Variants in PTP4A2 observed in about 807,000 individuals in gnomAD.
The protein encoded by PTP4A2 is protein tyrosine phosphatase 4A2.
PTP4A2 carries 2 observed loss-of-function variants against 22.9 expected under a neutral mutation model. The observed-to-expected ratio is 0.09, with a 90% confidence interval of 0.04 to 0.27. The LOEUF (loss-of-function observed/expected upper bound fraction) is 0.27. Among genes scored for constraint, PTP4A2 ranks in the 10% least tolerant of loss-of-function variants. PTP4A2 has a pLI of 1.00. For synonymous variants in PTP4A2, 68 were observed against 69.1 expected (o/e 0.98, Z 0.08); for missense variants, 103 against 205.1 (o/e 0.50, Z 3.04).
At chr1:31,937,101 T>C (rs550399237) in intron 1 of PTP4A2, among the ~76,000 whole-genome samples, 1 of 152,282 alleles carries the variant, frequency 6.6e-6, no homozygotes, top group South Asian at 2.1e-4. Flanking sequence ...GGCCAGAGTG[T>C]AGGATTTTGG....
chr1:31,938,270 C>A lies in PTP4A2; in HGVS notation c.-877G>T. 6.7e-6 allele frequency: 1 copy of A among 150,146 alleles called. No homozygotes were observed. The highest frequency in any genetic ancestry group is 1.8e-4 in the South Asian group (1 of 5,666). The allele number at this position is 150,146 out of a possible 1,614,324, so 9.3% of individuals were successfully genotyped here. A position where few individuals can be genotyped will look rare whatever the true frequency, so the allele number is the denominator to read the frequency against. ...GCTGCCCTGTGGCGTCACCTCGCGC[C>A]GTGCCCGGCCGCCGCTGCCGCTCCA... is the stretch of plus-strand genomic sequence containing the variant. On this transcript the variant is annotated 5_prime_UTR_variant, in exon 1 of 6. Coordinates refer to ENST00000647444, the MANE Select transcript of PTP4A2 (RefSeq NM_080391.4). The surrounding 1 kb of genome is among the most constrained non-coding windows in gnomAD (Gnocchi z 4.4).
At chr1:31,928,477 A>G (rs530920266) in intron 1 of PTP4A2, among the ~76,000 whole-genome samples, 1 of 151,778 alleles carries the variant, frequency 6.6e-6, no homozygotes, top group South Asian at 2.1e-4. Context: ...AGATGGGCGG[A>G]TCACCTGAGG....
intron 3 of PTP4A2, chr1:31,913,689 C>T (rs1266585001): frequency 5.2e-6 from 2 of 382,216 alleles, no homozygotes; most frequent in East Asian, 7.5e-5. Flanking sequence ...AAACAAAAAC[C>T]TAAATTTAAA....
Position 31,906,645 on chromosome 1 carries a change from T to G in PTP4A2, c.*2207A>C, listed in dbSNP as rs948803408. The stretch of plus-strand genomic sequence containing the variant: ...AAATAAAAGGAGGGCTAATGTTTCA[T>G]GTTGCTTTATACATCCTTCTCCTCA... On this transcript the variant is annotated 3_prime_UTR_variant, in exon 6 of 6. Coordinates refer to ENST00000647444, the MANE Select transcript of PTP4A2 (RefSeq NM_080391.4). 1 of 152,096 alleles carries G rather than the reference T, an allele frequency of 6.6e-6. No homozygotes were observed. Among genetic ancestry groups the G allele is most frequent in the Non-Finnish European group, 1.5e-5 (1 of 68,018 alleles). The allele number at this position is 152,096 out of a possible 1,614,324, so 9.4% of individuals were successfully genotyped here. A position where few individuals can be genotyped will look rare whatever the true frequency, so the allele number is the denominator to read the frequency against.
Position 31,906,812 on chromosome 1 carries a change from C to CA in PTP4A2, c.*2039dup, listed in dbSNP as rs1651197832. The CA allele has an allele frequency of 6.6e-6, 1 of 151,214 alleles. No homozygotes were observed. Among genetic ancestry groups the CA allele is most frequent in the African/African-American group, 2.4e-5 (1 of 41,034 alleles). 9.4% of individuals were successfully genotyped at this position (151,214 alleles called of 1,614,324 possible). On this transcript the variant is annotated 3_prime_UTR_variant, in exon 6 of 6. Transcript: ENST00000647444. ...CCCCCTCCCCCCAAACAACAAAATT[C>CA]AGAGTATGTCAAAGGAAAAAGGTTT...
At position 31,915,999 on chromosome 1, in the gene PTP4A2, A is replaced by G. The variant is rs767009727; in HGVS notation, c.97-12T>C. 9.7e-6 allele frequency: 15 copies of G among 1,540,156 alleles called. No homozygotes were observed. The highest frequency in any genetic ancestry group is 1.3e-5 in the Non-Finnish European group (15 of 1,139,062). On this transcript the variant is annotated splice_polypyrimidine_tract_variant and intron_variant, in intron 2 of 5. Coordinates refer to ENST00000647444, the MANE Select transcript of PTP4A2 (RefSeq NM_080391.4). ...TACTTCTTAAGTTCCTTTAAAAAAAAAAAAAATTATAATGGAACTTGTTTT... is the reference window on the plus strand; with the variant it reads ...TACTTCTTAAGTTCCTTTAAAAAAAGAAAAAATTATAATGGAACTTGTTTT...
At chr1:31,931,233 G>A (rs1032999041) in intron 1 of PTP4A2, 1 of 152,220 alleles carries the variant, frequency 6.6e-6, no homozygotes, top group Non-Finnish European at 1.5e-5. Context: ...GTAAGCGTGA[G>A]AAGAATGGAG....
At chr1:31,937,549 C>T (rs915507921) in intron 1 of PTP4A2, among the ~76,000 whole-genome samples, 3 of 151,538 alleles carry the variant, frequency 2.0e-5, no homozygotes, top group African/African-American at 4.9e-5. Context: ...TCCCCCCACA[C>T]TCACCCGCTC....
chr1:31,928,157 AATATT>A (rs546191747), intron 1 of PTP4A2, among the ~76,000 whole-genome samples: 31 of 147,888 alleles, frequency 2.1e-4, no homozygotes, highest in East Asian at 3.9e-4. Context: ...GATTTAAATT[AATATT>A]ATATTATATA....
intron 1 of PTP4A2, among the ~76,000 whole-genome samples, chr1:31,926,210 A>G: frequency 6.6e-6 from 1 of 150,572 alleles, no homozygotes; most frequent in East Asian, 1.9e-4. Flanking sequence ...GATTTCTAAG[A>G]AATCATCCCT....
rs191079332 is a variant in PTP4A2 at position 31,916,891 on chromosome 1, C to A, written c.97-904G>T. Among the ~76,000 whole-genome samples, 334 of 152,072 alleles carry A rather than the reference C, an allele frequency of 2.2e-3. 1 individual carries two copies. In the South Asian group the frequency reaches 0.024, roughly 11 times the overall value. On this transcript the variant is annotated intron_variant, in intron 2 of 5. Transcript: ENST00000647444. Reference sequence around the variant, plus strand: ...ATTAACAATTAAATGTTGTTAAATTCTTTTTGCTTATCTGTATCTTTATAT... The same window carrying A: ...ATTAACAATTAAATGTTGTTAAATTATTTTTGCTTATCTGTATCTTTATAT...
intron 2 of PTP4A2, among the ~76,000 whole-genome samples, chr1:31,916,345 C>CAAAAAAAAAAAAAAAAAAAAAAAAAAAA (rs1167002913): frequency 2.8e-5 from 1 of 35,446 alleles, no homozygotes. Flanking sequence ...ACTCCGTCTC[C>CAAAAAAAAAAAAAAAAAAAAAAAAAAAA]AAAAAAAAAA....
At chr1:31,916,386 A>ACAT (rs757864722) in intron 2 of PTP4A2, among the ~76,000 whole-genome samples, 3,603 of 142,054 alleles carry the variant, frequency 0.025, 160 homozygotes, top group Middle Eastern at 0.071. Flanking sequence ...ATCTACTATT[A>ACAT]TAAATTAAAA....
At position 31,912,672 on chromosome 1, in the gene PTP4A2, C is replaced by T. The variant is rs572315942; in HGVS notation, c.190-846G>A. Among the ~76,000 whole-genome samples the T allele has an allele frequency of 2.6e-5, 4 of 152,268 alleles. No individual in the cohort carries two copies. In the East Asian group the frequency reaches 7.7e-4, roughly 29 times the overall value. On this transcript the variant is annotated intron_variant, in intron 3 of 5. Coordinates refer to ENST00000647444, the MANE Select transcript of PTP4A2 (RefSeq NM_080391.4). ...GACTGGGGGCTGACATTTTACAAGC[C>T]TTCCCTCCTGCCATCTAAGCTTCAA...
chr1:31,922,618 CTTTCTTTCTTTCTTTCTTT>C (rs1475332538), intron 1 of PTP4A2, among the ~76,000 whole-genome samples: 1 of 135,562 alleles, frequency 7.4e-6, no homozygotes, highest in South Asian at 2.3e-4. Context: ...TTCTTTCTTT[CTTTCTTTCTTTCTTTCTTT>C]TATTTATTTT....
intron 1 of PTP4A2, among the ~76,000 whole-genome samples, chr1:31,925,726 C>A (rs1652422145): frequency 6.6e-6 from 1 of 151,560 alleles, no homozygotes; most frequent in African/African-American, 2.4e-5. Flanking sequence ...CACCACTGCA[C>A]CCCAGCCTGG....
At chr1:31,930,577 A>G (rs2124261184) in intron 1 of PTP4A2, among the ~76,000 whole-genome samples, 1 of 152,340 alleles carries the variant, frequency 6.6e-6, no homozygotes, top group Middle Eastern at 3.4e-3. Context: ...TCTGCTGTTC[A>G]GGCACTCTGA....
At position 31,919,614 on chromosome 1, in the gene PTP4A2, A is replaced by T. The variant is rs1236674509; in HGVS notation, c.-549T>A. On this transcript the variant is annotated 5_prime_UTR_variant, in exon 2 of 6. Transcript: ENST00000647444. ...GAGCCTGGCAGAAGTCTGCCCTCAC[A>T]CTCAGAATCGCCATAAATGTGCAAC... is the stretch of plus-strand genomic sequence containing the variant. 1 of 152,716 alleles carries T rather than the reference A, an allele frequency of 6.5e-6. No individual in the cohort carries two copies. Among genetic ancestry groups the T allele is most frequent in the East Asian group, 1.9e-4 (1 of 5,204 alleles). The allele number at this position is 152,716 out of a possible 1,614,324, so 9.5% of individuals were successfully genotyped here. A position where few individuals can be genotyped will look rare whatever the true frequency, so the allele number is the denominator to read the frequency against.
At chr1:31,923,525 G>A (rs1002333195) in intron 1 of PTP4A2, among the ~76,000 whole-genome samples, 2 of 150,130 alleles carry the variant, frequency 1.3e-5, no homozygotes, top group Non-Finnish European at 3.0e-5. Flanking sequence ...TAGTAGAGAC[G>A]GGGTTTCACC....
Sources: allele counts gnomAD v4.1 joint callset (sites outside exome capture counted in the v4.1 genomes callset), GRCh38; gene constraint gnomAD v4.1.1; non-coding constraint Gnocchi (gnomAD v3.1); transcripts MANE v1.5; gene names NCBI Gene and HGNC (gene_info 2026-07-23, HGNC 2026-07-21).